Variants in MAP2 observed in about 807,000 individuals in gnomAD.
The protein encoded by MAP2 is microtubule associated protein 2, also known as microtubule-associated protein 2.
In MAP2, 14 loss-of-function variants were observed where a neutral mutation model predicts 137.6. The observed-to-expected ratio is 0.10, with a 90% CI of 0.07 to 0.16. The LOEUF is 0.16. MAP2 is among the 10% of genes least tolerant of loss of function. The pLI is 1.00. For missense variants in MAP2, 2,088 were observed against 2,191.5 expected, an observed-to-expected ratio of 0.95 and a Z score of 0.94; for synonymous variants, 786 against 782.3, an observed-to-expected ratio of 1.00 and a Z score of -0.08.
chr2:209,578,622 C>G (rs1018419810), intron 2 of MAP2, among the ~76,000 whole-genome samples: 2 of 152,086 alleles, frequency 1.3e-5, no homozygotes, highest in African/African-American at 4.8e-5. Context: ...AGGTTGCTAA[C>G]AATGCTGTAA....
At chr2:209,510,030 CA>C (rs11297017) in intron 2 of MAP2, among the ~76,000 whole-genome samples, 87,935 of 143,280 alleles carry the variant, frequency 0.61, 26,574 homozygotes, top group Middle Eastern at 0.7. Context: ...AAAGTTATTA[CA>C]AAAAAAAAAA....
intron 1 of MAP2, among the ~76,000 whole-genome samples, chr2:209,455,966 C>T (rs1446185254): frequency 1.3e-5 from 2 of 152,076 alleles, no homozygotes; most frequent in African/African-American, 4.8e-5. Context: ...TCCTGTAATC[C>T]TCAGAATGAT....
At chr2:209,507,769 G>A (rs1281221848) in intron 2 of MAP2, 128 bp downstream of exon 2, 5 of 152,042 alleles carry the variant, frequency 3.3e-5, no homozygotes, top group Admixed American at 2.6e-4. Flanking sequence ...AGTAAAAACT[G>A]GATATATTTC....
chr2:209,560,942 A>G (rs533605755), intron 2 of MAP2, among the ~76,000 whole-genome samples: 55 of 152,322 alleles, frequency 3.6e-4, no homozygotes, highest in African/African-American at 1.3e-3. Flanking sequence ...GACGGAGATG[A>G]GTAAATAGAT....
intron 11 of MAP2, among the ~76,000 whole-genome samples, chr2:209,703,170 T>C (rs1410315646): frequency 6.6e-6 from 1 of 152,120 alleles, no homozygotes; most frequent in African/African-American, 2.4e-5. Context: ...CTCTAGTCTT[T>C]GCATAAAAAT....
At chr2:209,563,178 A>C (rs1430193325) in intron 2 of MAP2, among the ~76,000 whole-genome samples, 1 of 152,190 alleles carries the variant, frequency 6.6e-6, no homozygotes, top group Admixed American at 6.5e-5. Context: ...TTTTAAAAGC[A>C]TACCTGTAGT....
At chr2:209,649,407 A>G (rs2094630129) in intron 4 of MAP2, among the ~76,000 whole-genome samples, 1 of 152,216 alleles carries the variant, frequency 6.6e-6, no homozygotes, top group African/African-American at 2.4e-5. Flanking sequence ...AAAGAAGGCT[A>G]TGGTACTTTT....
chr2:209,477,397 A>T (rs1244206177), intron 1 of MAP2, among the ~76,000 whole-genome samples: 1 of 144,450 alleles, frequency 6.9e-6, no homozygotes, highest in African/African-American at 2.5e-5. Context: ...TGGCTCTATT[A>T]AAAAAAATTA....
chr2:209,445,422 T>C (rs1698827515), intron 1 of MAP2, among the ~76,000 whole-genome samples: 1 of 151,696 alleles, frequency 6.6e-6, no homozygotes, highest in Non-Finnish European at 1.5e-5. Flanking sequence ...GGTTTCAGTG[T>C]TTGGGTTTTC....
intron 2 of MAP2, among the ~76,000 whole-genome samples, chr2:209,568,966 G>A (rs867325912): frequency 1.3e-5 from 2 of 151,524 alleles, no homozygotes; most frequent in African/African-American, 2.4e-5. Flanking sequence ...CAGTGAATAC[G>A]GTTTGTCTTA....
chr2:209,541,392 G>A (rs1006119212), intron 2 of MAP2, among the ~76,000 whole-genome samples: 13 of 151,246 alleles, frequency 8.6e-5, no homozygotes, highest in Non-Finnish European at 1.5e-5. Flanking sequence ...TTGCTTCAAT[G>A]TTGATGACTG....
chr2:209,555,563 T>C (rs1352391756), intron 2 of MAP2, among the ~76,000 whole-genome samples: 1 of 152,220 alleles, frequency 6.6e-6, no homozygotes, highest in African/African-American at 2.4e-5. Context: ...AGTTTTTTAG[T>C]AATAAAGGGG....
chr2:209,489,468 A>G (rs925542904), intron 1 of MAP2, among the ~76,000 whole-genome samples: 12 of 152,208 alleles, frequency 7.9e-5, no homozygotes, highest in Non-Finnish European at 1.2e-4. Flanking sequence ...AGTAGGCTTC[A>G]GAAGGTGGGT....
chr2:209,598,636 C>T (rs1213850246), intron 3 of MAP2, among the ~76,000 whole-genome samples: 1 of 145,956 alleles, frequency 6.9e-6, no homozygotes, highest in Non-Finnish European at 1.5e-5. Context: ...TGTGATGTTC[C>T]CCTTCCTGTG....
intron 4 of MAP2, among the ~76,000 whole-genome samples, chr2:209,625,564 A>G (rs971528402): frequency 2.6e-5 from 4 of 152,206 alleles, no homozygotes; most frequent in African/African-American, 9.6e-5. Context: ...CATGAGGCAG[A>G]GAGAGAAGCA....
intron 1 of MAP2, among the ~76,000 whole-genome samples, chr2:209,492,374 T>C (rs1239449214): frequency 2.0e-5 from 3 of 152,166 alleles, no homozygotes; most frequent in Non-Finnish European, 4.4e-5. Context: ...ATTTGAAAAC[T>C]GGCACAAGAA....
At chr2:209,618,329 A>G (rs886258288) in intron 3 of MAP2, among the ~76,000 whole-genome samples, 2 of 152,204 alleles carry the variant, frequency 1.3e-5, no homozygotes, top group African/African-American at 4.8e-5. Context: ...GGTTTGTAAC[A>G]GTAGAAAGTT....
intron 13 of MAP2, among the ~76,000 whole-genome samples, chr2:209,714,411 A>G (rs931144799): frequency 2.0e-5 from 3 of 152,148 alleles, no homozygotes; most frequent in Non-Finnish European, 4.4e-5. Flanking sequence ...ATTAATGACT[A>G]CAGTCAGTCA....
intron 7 of MAP2, chr2:209,690,560 ATTG>A: frequency 8.1e-7 from 1 of 1,230,974 alleles, no homozygotes; most frequent in Non-Finnish European, 1.0e-6. Flanking sequence ...CGTTTCATGT[ATTG>A]TTCTGTGGTC....
Sources: gnomAD v4.1 joint callset for allele counts (sites outside exome capture counted in the v4.1 genomes callset) on GRCh38, gnomAD v4.1.1 for gene constraint, MANE v1.5 for transcripts, NCBI Gene and HGNC (gene_info 2026-07-23, HGNC 2026-07-21) for gene names.